Variants in AOX1 observed in about 807,000 individuals in gnomAD.
AOX1 encodes aldehyde oxidase 1.
In AOX1, 153 loss-of-function variants were observed where a neutral mutation model predicts 169.5. That is an observed-to-expected ratio of 0.90 (90% CI 0.79 to 1.03). The LOEUF is 1.03. Ranked by LOEUF, AOX1 falls within the 50% of genes least tolerant of loss-of-function variation. The probability of loss-of-function intolerance (pLI) is 0.00; values close to 1 mark genes in which losing one functional copy is unlikely to be tolerated. For missense variants in AOX1, 1,656 were observed against 1,663.9 expected, an observed-to-expected ratio of 1.00 and a Z score of 0.08; for synonymous variants, 562 against 581.9, an observed-to-expected ratio of 0.97 and a Z score of 0.49.
At chr2:200,651,962 C>T (rs2348024) in intron 26 of AOX1, among the ~76,000 whole-genome samples, 78,323 of 151,964 alleles carry the variant, frequency 0.52, 21,537 homozygotes, top group Non-Finnish European at 0.62. Flanking sequence ...CATCCATGTA[C>T]ATACAGATAA....
chr2:200,602,746 G>A, intron 6 of AOX1, among the ~76,000 whole-genome samples: 1 of 152,116 alleles, frequency 6.6e-6, no homozygotes, highest in South Asian at 2.1e-4. Context: ...TCACCAGACT[G>A]TGGGCTGCTT....
At chr2:200,625,041 A>T (rs981863538) in intron 19 of AOX1, among the ~76,000 whole-genome samples, 2 of 152,140 alleles carry the variant, frequency 1.3e-5, no homozygotes, top group African/African-American at 4.8e-5. Context: ...ATGCTTAGGA[A>T]CATGGAGTTT....
chr2:200,656,409 A>G (rs1299923494), intron 26 of AOX1, among the ~76,000 whole-genome samples: 6 of 152,210 alleles, frequency 3.9e-5, no homozygotes, highest in African/African-American at 1.4e-4. Context: ...GTGGGGAGCT[A>G]TACAGTTAGA....
intron 15 of AOX1, among the ~76,000 whole-genome samples, chr2:200,615,014 A>AT (rs55905167): frequency 4.9e-4 from 74 of 149,894 alleles, no homozygotes; most frequent in African/African-American, 1.5e-3. Context: ...GTTTTATTTA[A>AT]TTTTTTTTTT....
downstream of AOX1, among the ~76,000 whole-genome samples, chr2:200,681,688 A>G (rs2036153705): frequency 6.6e-6 from 1 of 152,248 alleles, no homozygotes; most frequent in Admixed American, 6.5e-5. Flanking sequence ...TGAGGCAGTG[A>G]GCCAGAAAGT....
rs762415096 is a variant in AOX1 at position 200,604,080 on chromosome 2, T to C, written c.652T>C (p.Phe218Leu). The change falls in exon 8 of 35, where the codon TTT (phenylalanine) becomes CTT (leucine). Residue 218 changes from phenylalanine (F) to leucine (L), a missense_variant. Physicochemically the swap from Phe to Leu is conservative, Grantham distance 22. Coordinates refer to ENST00000374700, the MANE Select transcript of AOX1 (RefSeq NM_001159.4). The part of the protein sequence containing the change: ...LPLDPTQELI[F>L]PPELMIMAEK... ...ATTGGATCCAACCCAGGAACTGATA[T>C]TTCCTCCTGAGCTAATGGTGAGTAA... 6.2e-7 allele frequency: 1 copy of C among 1,612,080 alleles called. No homozygotes were observed. The highest frequency in any genetic ancestry group is 8.5e-7 in the Non-Finnish European group (1 of 1,178,140).
intron 10 of AOX1, among the ~76,000 whole-genome samples, chr2:200,607,970 G>C (rs965018980): frequency 4.6e-5 from 7 of 152,174 alleles, no homozygotes; most frequent in African/African-American, 1.4e-4. Context: ...CCTGTTGGCG[G>C]GTGGGGAGCA....
At chr2:200,586,738 T>C (rs1453869459) in intron 1 of AOX1, among the ~76,000 whole-genome samples, 1 of 152,220 alleles carries the variant, frequency 6.6e-6, no homozygotes, top group Admixed American at 6.5e-5. Context: ...AGTCAGGCTC[T>C]GGGGGCTCCA....
chr2:200,659,786 T>TCACA (rs56916091), intron 28 of AOX1, among the ~76,000 whole-genome samples: 6,001 of 96,052 alleles, frequency 0.062, 159 homozygotes, highest in Middle Eastern at 0.11. Flanking sequence ...GTTCTCTCTC[T>TCACA]CACACACACA....
chr2:200,591,016 C>A (rs1367051293), intron 1 of AOX1, among the ~76,000 whole-genome samples: 1 of 152,208 alleles, frequency 6.6e-6, no homozygotes, highest in Non-Finnish European at 1.5e-5. Context: ...GTTTCTGCCA[C>A]CAATAACTTC....
At chr2:200,653,586 C>T (rs1056782995) in intron 26 of AOX1, among the ~76,000 whole-genome samples, 7 of 152,222 alleles carry the variant, frequency 4.6e-5, no homozygotes, top group Admixed American at 1.3e-4. Context: ...ACTTCAGCAC[C>T]GCCTTCATCG....
chr2:200,680,726 A>T (rs1322863421), downstream of AOX1, among the ~76,000 whole-genome samples: 2 of 151,936 alleles, frequency 1.3e-5, no homozygotes, highest in Non-Finnish European at 2.9e-5. Flanking sequence ...TTGCATTTTT[A>T]GTAGAGATGG....
At chr2:200,650,050 T>C (rs1268625704) in intron 25 of AOX1, among the ~76,000 whole-genome samples, 1 of 152,190 alleles carries the variant, frequency 6.6e-6, no homozygotes, top group Non-Finnish European at 1.5e-5. Flanking sequence ...TCCCAATTCA[T>C]CTACCAGCTT....
At chr2:200,662,762 T>C in intron 30 of AOX1, 93 bp from the exon 31 acceptor site, 1 of 923,460 alleles carries the variant, frequency 1.1e-6, no homozygotes, top group Non-Finnish European at 1.8e-6. Context: ...GGTATATTCC[T>C]GTGGCTTGCA....
Position 200,668,768 on chromosome 2 carries a change from C to G in AOX1, c.3763C>G (p.Pro1255Ala), listed in dbSNP as rs1182445940. The G allele has an allele frequency of 6.2e-7, 1 of 1,614,084 alleles. No homozygotes were observed. The highest frequency in any genetic ancestry group is 2.2e-5 in the East Asian group (1 of 44,866). The change falls in exon 33 of 35, where the codon CCT becomes GCT. Residue 1255 changes from proline (P) to alanine (A), a missense_variant. Pro to Ala is a conservative substitution (Grantham distance 27, BLOSUM62 -1). Coordinates refer to ENST00000374700, the MANE Select transcript of AOX1 (RefSeq NM_001159.4). ...GGAGTTGCACATTGCTTTGTTGCCT[C>G]CTTCTCAAAACTCAAATACTCTTTA... ...PTELHIALLP[P>A]SQNSNTLYSS...
chr2:200,620,010 G>T (rs934692258), intron 16 of AOX1, among the ~76,000 whole-genome samples: 1 of 152,006 alleles, frequency 6.6e-6, no homozygotes, highest in Non-Finnish European at 1.5e-5. Flanking sequence ...TTAGCAAGAG[G>T]ACATAATTTT....
intron 31 of AOX1, among the ~76,000 whole-genome samples, chr2:200,663,216 C>A (rs1380902253): frequency 6.6e-6 from 1 of 152,098 alleles, no homozygotes; most frequent in East Asian, 1.9e-4. Flanking sequence ...AGGAAAGAAA[C>A]TACATGAAGA....
At chr2:200,658,836 C>T (rs1010081145) in intron 27 of AOX1, among the ~76,000 whole-genome samples, 17 of 152,070 alleles carry the variant, frequency 1.1e-4, no homozygotes, top group Admixed American at 9.8e-4. Context: ...AGAGTGTGGT[C>T]GTAGGAGAAG....
chr2:200,604,732 T>C lies in AOX1; in HGVS notation c.706T>C (p.Phe236Leu), dbSNP rs570720452. ...AEKQSQRTRV[F>L]GSERMMWFSP... ...GAAACAGTCGCAAAGGACCAGGGTG[T>C]TTGGCAGTGAGAGAATGATGTGGTT... Residue 236 changes from phenylalanine (F) to leucine (L), a missense_variant, in exon 9 of 35, where the codon TTT becomes CTT. Coordinates refer to ENST00000374700, the MANE Select transcript of AOX1 (RefSeq NM_001159.4). 6 of 1,614,024 alleles carry C rather than the reference T, an allele frequency of 3.7e-6. No individual in the cohort carries two copies. In the Admixed American group the frequency reaches 6.7e-5, roughly 18 times the overall value.
Sources: allele counts gnomAD v4.1 joint callset (sites outside exome capture counted in the v4.1 genomes callset), GRCh38; gene constraint gnomAD v4.1.1; transcripts MANE v1.5; gene names NCBI Gene and HGNC (gene_info 2026-07-23, HGNC 2026-07-21).